The following TNFRSF21 variants were observed in gnomAD, a reference collection of about 807,000 sequenced individuals.
TNFRSF21 encodes TNF receptor superfamily member 21, also known as tumor necrosis factor receptor superfamily member 21.
A neutral mutation model predicts 45.6 loss-of-function variants in TNFRSF21; 19 were observed. The observed-to-expected ratio is 0.42, with a 90% CI of 0.29 to 0.61. The LOEUF (loss-of-function observed/expected upper bound fraction) is 0.61, where lower values mean the gene tolerates loss of function less well. Ranked by LOEUF, TNFRSF21 falls within the 20% of genes least tolerant of loss-of-function variation. TNFRSF21 has a pLI of 0.23. For synonymous variants in TNFRSF21, 314 were observed against 335.5 expected (o/e 0.94, Z 0.70); for missense variants, 737 against 851.5 (o/e 0.87, Z 1.67).
rs191266032 is a variant in TNFRSF21, at chr6:47,233,742, A to G, written c.1739-748T>C. Among the ~76,000 whole-genome samples the G allele has an allele frequency of 5.3e-5, 8 of 151,550 alleles. No homozygotes were observed. The East Asian group carries it at 1.4e-3, about 26-fold the overall frequency. ...GTACACAAATTATAAATATGTAAAT[A>G]TAACATTTTATAAATACGTAAAATA... On this transcript the variant is annotated intron_variant, in intron 5 of 5. Coordinates refer to ENST00000296861, the MANE Select transcript of TNFRSF21 (RefSeq NM_014452.5).
rs777905554 is a variant in TNFRSF21 at position 47,284,434 on chromosome 6, T to C, written c.749-2A>G. 6.6e-7 allele frequency: 1 copy of C among 1,509,524 alleles called. No homozygotes were observed. The highest frequency in any genetic ancestry group is 8.8e-7 in the Non-Finnish European group (1 of 1,130,602). The allele number at this position is 1,509,524 out of a possible 1,614,324, so 93.5% of individuals were successfully genotyped here. On this transcript the variant is annotated splice_acceptor_variant, in intron 2 of 5. Transcript: ENST00000296861. LOFTEE classifies it high-confidence loss of function. Reference sequence around the variant, plus strand: ...AGTTGGATTCTGTTGAGTTCATGCCTAGAAAAAAGAGTAAGGAGGGGGGAA... The same window carrying C: ...AGTTGGATTCTGTTGAGTTCATGCCCAGAAAAAAGAGTAAGGAGGGGGGAA...
chr6:47,289,777 T>G (rs1163228507), intron 1 of TNFRSF21, among the ~76,000 whole-genome samples: 1 of 152,182 alleles, frequency 6.6e-6, no homozygotes, highest in African/African-American at 2.4e-5. Flanking sequence ...GCAGGTCATT[T>G]GAGGTCAGGA....
Position 47,232,496 on chromosome 6 carries a change from G to A in TNFRSF21, c.*269C>T. On this transcript the variant is annotated 3_prime_UTR_variant, in exon 6 of 6. Coordinates refer to ENST00000296861, the MANE Select transcript of TNFRSF21 (RefSeq NM_014452.5). ...AAAATATGGAACTTAAAAAACTTTAGTGGTGGGTATTTCACAACAGTTACA... is the reference window on the plus strand; with the variant it reads ...AAAATATGGAACTTAAAAAACTTTAATGGTGGGTATTTCACAACAGTTACA... 1 of 377,602 alleles carries A rather than the reference G, an allele frequency of 2.6e-6. No homozygotes were observed. The highest frequency in any genetic ancestry group is 4.7e-6 in the Non-Finnish European group (1 of 211,550). The allele number at this position is 377,602 out of a possible 1,614,324, so 23.4% of individuals were successfully genotyped here.
chr6:47,257,471 C>A (rs1765004656), intron 3 of TNFRSF21, among the ~76,000 whole-genome samples: 1 of 152,198 alleles, frequency 6.6e-6, no homozygotes, highest in South Asian at 2.1e-4. Context: ...TCAGGGGATA[C>A]CAACCTTTTA....
Position 47,232,968 on chromosome 6 carries a change from C to T in TNFRSF21, c.1765G>A (p.Val589Ile). 1 of 1,614,148 alleles carries T rather than the reference C, an allele frequency of 6.2e-7. No individual in the cohort carries two copies. Among genetic ancestry groups the T allele is most frequent in the Non-Finnish European group, 8.5e-7 (1 of 1,180,026 alleles). The stretch of plus-strand genomic sequence containing the variant: ...TGCAAGTCACAGGGGTCCAGGCGTA[C>T]CTGCCGCAACACTGTGTCCTTCTTT... The part of the protein sequence containing the change: ...KEKKDTVLRQ[V>I]RLDPCDLQPI... Residue 589 changes from valine (V) to isoleucine (I), a missense_variant, in exon 6 of 6, where the codon GTA (valine) becomes ATA (isoleucine). Transcript: ENST00000296861.
chr6:47,298,340 G>A (rs1040525355), intron 1 of TNFRSF21, among the ~76,000 whole-genome samples: 1 of 150,636 alleles, frequency 6.6e-6, no homozygotes, highest in African/African-American at 2.4e-5. Flanking sequence ...AGCTACTCAG[G>A]AGGCTGAGTG....
intron 1 of TNFRSF21, among the ~76,000 whole-genome samples, chr6:47,295,265 G>T (rs1477125677): frequency 6.6e-6 from 1 of 152,194 alleles, no homozygotes; most frequent in Non-Finnish European, 1.5e-5. Flanking sequence ...TCAGAATGTT[G>T]ATGCCTATTT....
intron 1 of TNFRSF21, among the ~76,000 whole-genome samples, chr6:47,287,326 A>AAAAAAGAAAAG: frequency 6.7e-6 from 1 of 150,074 alleles, no homozygotes; most frequent in African/African-American, 2.5e-5. Flanking sequence ...AAAAAAAAAA[A>AAAAAAGAAAAG]AAAAAAAAGA....
chr6:47,243,763 G>A (rs1355698793), intron 4 of TNFRSF21, among the ~76,000 whole-genome samples: 1 of 152,076 alleles, frequency 6.6e-6, no homozygotes, highest in African/African-American at 2.4e-5. Context: ...AACCCTTCTT[G>A]AGGTTAGCAC....
intron 4 of TNFRSF21, among the ~76,000 whole-genome samples, chr6:47,243,669 T>G (rs1334516028): frequency 6.6e-6 from 1 of 152,152 alleles, no homozygotes; most frequent in African/African-American, 2.4e-5. Flanking sequence ...CTGCCCACCT[T>G]GGCCTCCCAA....
intron 1 of TNFRSF21, among the ~76,000 whole-genome samples, chr6:47,286,936 T>C (rs1370763628): frequency 6.6e-6 from 1 of 152,200 alleles, no homozygotes; most frequent in Non-Finnish European, 1.5e-5. Flanking sequence ...AAACACTTTG[T>C]AGCTGAGATT....
chr6:47,302,705 A>G (rs749871230), intron 1 of TNFRSF21, among the ~76,000 whole-genome samples: 1 of 152,210 alleles, frequency 6.6e-6, no homozygotes, highest in Non-Finnish European at 1.5e-5. Context: ...TTCTGGAAAG[A>G]GAATGTTCAA....
intron 1 of TNFRSF21, among the ~76,000 whole-genome samples, chr6:47,299,135 C>T (rs907496808): frequency 2.0e-5 from 3 of 152,036 alleles, no homozygotes; most frequent in African/African-American, 4.8e-5. Context: ...ATGAACAGCA[C>T]CAACAAAATG....
chr6:47,284,463 CT>C (rs1454722985), intron 2 of TNFRSF21, 31 bp from the exon 3 acceptor site: 55 of 1,503,400 alleles, frequency 3.7e-5, no homozygotes, highest in Non-Finnish European at 4.8e-5. Context: ...GGGGGAAGAG[CT>C]TTTCCATATT....
chr6:47,293,425 C>T (rs114670740), intron 1 of TNFRSF21, among the ~76,000 whole-genome samples: 3,619 of 152,290 alleles, frequency 0.024, 166 homozygotes, highest in African/African-American at 0.083. Flanking sequence ...CATGCTACAG[C>T]GGCAGAGTTG....
Position 47,253,530 on chromosome 6 carries a change from G to A in TNFRSF21, c.1244-9C>T, listed in dbSNP as rs772850889. The A allele has an allele frequency of 1.6e-5, 25 of 1,606,538 alleles. No homozygotes were observed. The Admixed American group carries it at 4.2e-4, about 27-fold the overall frequency. The stretch of plus-strand genomic sequence containing the variant: ...CTTCAGGATATCGATACCTACACCA[G>A]AGAAAAAATAAAAAACAAATGAGGG... On this transcript the variant is annotated splice_polypyrimidine_tract_variant and intron_variant, in intron 3 of 5. Coordinates refer to ENST00000296861, the MANE Select transcript of TNFRSF21 (RefSeq NM_014452.5).
chr6:47,267,874 T>C (rs1038404078), intron 3 of TNFRSF21, among the ~76,000 whole-genome samples: 1 of 152,224 alleles, frequency 6.6e-6, no homozygotes, highest in East Asian at 1.9e-4. Context: ...CAACCCCATC[T>C]TTCTGAATCT....
At chr6:47,279,161 C>A (rs953195931) in intron 3 of TNFRSF21, among the ~76,000 whole-genome samples, 1 of 152,198 alleles carries the variant, frequency 6.6e-6, no homozygotes, top group Non-Finnish European at 1.5e-5. Flanking sequence ...AACTTCCCCT[C>A]TAAATTTCTA....
intron 4 of TNFRSF21, among the ~76,000 whole-genome samples, chr6:47,244,713 T>G (rs1488070131): frequency 6.6e-6 from 1 of 152,216 alleles, no homozygotes; most frequent in Non-Finnish European, 1.5e-5. Flanking sequence ...CAAAGTTTCC[T>G]CTGTGGCAAT....
Sources: allele counts gnomAD v4.1 joint callset (sites outside exome capture counted in the v4.1 genomes callset), GRCh38; gene constraint gnomAD v4.1.1; transcripts MANE v1.5; gene names NCBI Gene and HGNC (gene_info 2026-07-23, HGNC 2026-07-21).